INPP5D: variants seen among roughly 807,000 people sequenced by gnomAD.
INPP5D encodes the protein inositol polyphosphate-5-phosphatase D.
Under a neutral mutation model 122.9 loss-of-function variants are expected in INPP5D, and 33 were observed. That is an observed-to-expected ratio of 0.27 (90% CI 0.20 to 0.36). INPP5D has a LOEUF of 0.36. Among genes scored for constraint, INPP5D ranks in the 10% least tolerant of loss-of-function variants. The pLI is 1.00. For missense variants in INPP5D, 1,053 were observed against 1,412.7 expected (o/e 0.75, Z 4.08); for synonymous variants, 584 against 576.2 (o/e 1.01, Z -0.19).
intron 2 of INPP5D, among the ~76,000 whole-genome samples, chr2:233,117,725 G>A (rs1455556225): frequency 6.6e-6 from 1 of 152,160 alleles, no homozygotes; most frequent in Non-Finnish European, 1.5e-5. Flanking sequence ...CGGGACTCTG[G>A]ATCGTGCACA....
At chr2:233,199,225 G>A (rs1216806170) in intron 25 of INPP5D, among the ~76,000 whole-genome samples, 3 of 144,928 alleles carry the variant, frequency 2.1e-5, no homozygotes, top group African/African-American at 7.6e-5. Flanking sequence ...GCAACAGAAC[G>A]AGACTCCATA....
chr2:233,080,799 G>T (rs548823425), intron 2 of INPP5D, among the ~76,000 whole-genome samples: 1 of 152,314 alleles, frequency 6.6e-6, no homozygotes, highest in South Asian at 2.1e-4. Context: ...GAGGGAGAGC[G>T]TGGTGAGCAG....
At chr2:233,205,881 C>G (rs1016585506) in intron 26 of INPP5D, among the ~76,000 whole-genome samples, 1 of 144,308 alleles carries the variant, frequency 6.9e-6, no homozygotes, top group Admixed American at 7.0e-5. Context: ...GAGTTCAAGA[C>G]CAGCCTAACC....
At chr2:233,111,354 ACACACACACACG>A (rs1415759574) in intron 2 of INPP5D, among the ~76,000 whole-genome samples, 1 of 151,940 alleles carries the variant, frequency 6.6e-6, no homozygotes, top group Non-Finnish European at 1.5e-5. Context: ...ACTTTTATAC[ACACACACACACG>A]CACACACACA....
At chr2:233,077,660 TCAAA>T (rs1691557947) in intron 1 of INPP5D, among the ~76,000 whole-genome samples, 1 of 14,314 alleles carries the variant, frequency 7.0e-5, no homozygotes, top group African/African-American at 2.9e-4. Flanking sequence ...AAACTCTGTC[TCAAA>T]AAAAAAAAAA....
At chr2:233,116,993 G>T (rs1224745329) in intron 2 of INPP5D, among the ~76,000 whole-genome samples, 3 of 152,208 alleles carry the variant, frequency 2.0e-5, no homozygotes, top group African/African-American at 7.2e-5. Flanking sequence ...TTACCTACCT[G>T]CTAACGGGCG....
intron 2 of INPP5D, among the ~76,000 whole-genome samples, chr2:233,092,458 T>G (rs1448085558): frequency 1.3e-5 from 2 of 152,132 alleles, no homozygotes; most frequent in Non-Finnish European, 2.9e-5. Flanking sequence ...AGTGGAACCA[T>G]GAGGGCTTTT....
intron 9 of INPP5D, among the ~76,000 whole-genome samples, chr2:233,158,055 G>A (rs1161446710): frequency 3.9e-5 from 6 of 152,080 alleles, no homozygotes; most frequent in Non-Finnish European, 8.8e-5. Context: ...AGGGAGGCAG[G>A]GAGAAAGATG....
At chr2:233,165,247 G>A (rs899387497) in intron 13 of INPP5D, among the ~76,000 whole-genome samples, 2 of 152,112 alleles carry the variant, frequency 1.3e-5, no homozygotes, top group Non-Finnish European at 2.9e-5. Context: ...ATATCTATGA[G>A]TGTGTGTCTA....
chr2:233,069,178 G>A (rs758317224), intron 1 of INPP5D, among the ~76,000 whole-genome samples: 1 of 152,216 alleles, frequency 6.6e-6, no homozygotes, highest in Non-Finnish European at 1.5e-5. Flanking sequence ...AACAAGTGCA[G>A]GCCCCTAACA....
At chr2:233,138,728 ATTTTATTTTTATTTTTAT>A (rs148927527) in intron 5 of INPP5D, among the ~76,000 whole-genome samples, 9 of 149,612 alleles carry the variant, frequency 6.0e-5, no homozygotes, top group African/African-American at 2.0e-4. Context: ...GGTTTTATTT[ATTTTATTTTTATTTTTAT>A]TTTTATTTTT....
chr2:233,128,160 C>T lies in INPP5D; in HGVS notation c.524+2241C>T, dbSNP rs886347917. Among the ~76,000 whole-genome samples the T allele has an allele frequency of 5.3e-5, 8 of 152,228 alleles. No individual in the cohort carries two copies. Among genetic ancestry groups the T allele is most frequent in the African/African-American group, 1.9e-4 (8 of 41,524 alleles). On this transcript the variant is annotated intron_variant, in intron 4 of 26. Coordinates refer to ENST00000445964, the MANE Select transcript of INPP5D (RefSeq NM_001017915.3). The surrounding 1 kb of genome is among the most constrained non-coding windows in gnomAD (Gnocchi z 4.5). ...AGTGTGAACCCGGTTGTGAACTGTG[C>T]ACTTGAGGGATCTAGGCTGCACGCC... is the stretch of plus-strand genomic sequence containing the variant.
chr2:233,180,562 G>T (rs1443285638), intron 18 of INPP5D, among the ~76,000 whole-genome samples: 1 of 151,900 alleles, frequency 6.6e-6, no homozygotes, highest in Non-Finnish European at 1.5e-5. Context: ...TGTTTTTTGA[G>T]ACAATCTTGC....
intron 2 of INPP5D, among the ~76,000 whole-genome samples, chr2:233,114,660 GA>G (rs1396837441): frequency 6.6e-6 from 1 of 152,264 alleles, no homozygotes; most frequent in Non-Finnish European, 1.5e-5. Flanking sequence ...GTGGCTTTCA[GA>G]AACTTCCCAG....
chr2:233,144,699 A>ATGGTGAGGGTGAAGGTGGTG (rs1693711857), intron 6 of INPP5D, among the ~76,000 whole-genome samples: 1 of 54,458 alleles, frequency 1.8e-5, no homozygotes, highest in Non-Finnish European at 5.4e-5. Flanking sequence ...TGGAGGTGGT[A>ATGGTGAGGGTGAAGGTGGTG]GTAGTGATGG....
At chr2:233,153,472 A>G (rs1397781827) in intron 9 of INPP5D, among the ~76,000 whole-genome samples, 1 of 152,190 alleles carries the variant, frequency 6.6e-6, no homozygotes, top group East Asian at 1.9e-4. Flanking sequence ...CAATATTCTG[A>G]AAGCCGGAAA....
In INPP5D at chr2:233,164,076, T is replaced by G. The variant is rs1694262082; in HGVS notation, c.1437+173T>G. 1 of 1,385,876 alleles carries G rather than the reference T, an allele frequency of 7.2e-7. No individual in the cohort carries two copies. The highest frequency in any genetic ancestry group is 9.5e-7 in the Non-Finnish European group (1 of 1,051,800). 85.8% of individuals were successfully genotyped at this position (1,385,876 alleles called of 1,614,324 possible). On this transcript the variant is annotated intron_variant, in intron 12 of 26. Coordinates refer to ENST00000445964, the MANE Select transcript of INPP5D (RefSeq NM_001017915.3). This position sits in a 1 kb window ranked among gnomAD's most constrained non-coding sequence, Gnocchi z 4.3. ...AGAAATAAATGGGATCTGTGGGGTATTGCTGAAAACCACTGAGTCCTCTAT... is the reference window on the plus strand; with the variant it reads ...AGAAATAAATGGGATCTGTGGGGTAGTGCTGAAAACCACTGAGTCCTCTAT...
At position 233,135,814 on chromosome 2, in the gene INPP5D, C is replaced by A. The variant is rs560959622; in HGVS notation, c.666-4028C>A. ...ATCAAATGCCTTACTCAAAAGGAAT[C>A]CAAAAATTGTTTTTCAGAAATTTTA... On this transcript the variant is annotated intron_variant, in intron 5 of 26. Transcript: ENST00000445964. 9.9e-5 allele frequency among the ~76,000 whole-genome samples: 15 copies of A among 152,076 alleles called. 1 individual carries two copies. In the East Asian group the frequency reaches 2.7e-3, roughly 27 times the overall value.
rs1694972291 is a variant in INPP5D at position 233,188,448 on chromosome 2, G to A, written c.2359-1402G>A. On this transcript the variant is annotated intron_variant, in intron 21 of 26. Coordinates refer to ENST00000445964, the MANE Select transcript of INPP5D (RefSeq NM_001017915.3). The surrounding 1 kb of genome is among the most constrained non-coding windows in gnomAD (Gnocchi z 4.7). ...TCCAGCATCCAAGAACCCCAGCTCTGGCCCTGGGTCTAGCTTAGAGCCTGA... is the reference window on the plus strand; with the variant it reads ...TCCAGCATCCAAGAACCCCAGCTCTAGCCCTGGGTCTAGCTTAGAGCCTGA... Among the ~76,000 whole-genome samples the A allele has an allele frequency of 6.6e-6, 1 of 152,178 alleles. No homozygotes were observed. The highest frequency in any genetic ancestry group is 2.1e-4 in the South Asian group (1 of 4,826).
Sources: gnomAD v4.1 joint callset for allele counts (sites outside exome capture counted in the v4.1 genomes callset) on GRCh38, gnomAD v4.1.1 for gene constraint, Gnocchi (gnomAD v3.1) non-coding constraint, MANE v1.5 for transcripts, NCBI Gene and HGNC (gene_info 2026-07-23, HGNC 2026-07-21) for gene names.